Variants in XPO7 observed in about 807,000 individuals in gnomAD.
The protein encoded by XPO7 is exportin 7.
XPO7 carries 21 observed loss-of-function variants against 144.3 expected under a neutral mutation model. That is an observed-to-expected ratio of 0.15 (90% confidence interval 0.10 to 0.21). XPO7 has a LOEUF of 0.21. XPO7 is among the 10% of genes least tolerant of loss of function. The probability of loss-of-function intolerance (pLI) is 1.00; values close to 1 mark genes in which losing one functional copy is unlikely to be tolerated. For missense variants in XPO7, 808 were observed against 1,325.8 expected (o/e 0.61, Z 6.06); for synonymous variants, 580 against 499.6 (o/e 1.16, Z -2.15).
intron 4 of XPO7, among the ~76,000 whole-genome samples, chr8:21,970,757 A>T (rs1331622169): frequency 1.3e-5 from 2 of 152,256 alleles, no homozygotes; most frequent in Non-Finnish European, 2.9e-5. Context: ...TTTCGTCAAC[A>T]GTAGACCACA....
intron 1 of XPO7, among the ~76,000 whole-genome samples, chr8:21,926,603 C>CT (rs1485021586): frequency 6.8e-6 from 1 of 146,672 alleles, no homozygotes; most frequent in Admixed American, 7.2e-5. Flanking sequence ...AACTTCAGTG[C>CT]TTTACTTCTG....
chr8:22,000,286 G>GC lies in XPO7; in HGVS notation c.2782+612_2782+613insC, dbSNP rs1387185960. Among the ~76,000 whole-genome samples, 4 of 152,222 alleles carry GC rather than the reference G, an allele frequency of 2.6e-5. No individual in the cohort carries two copies. In the East Asian group the frequency reaches 7.7e-4, roughly 29 times the overall value. On this transcript the variant is annotated intron_variant, in intron 24 of 27. Coordinates refer to ENST00000252512, the MANE Select transcript of XPO7 (RefSeq NM_015024.5). ...TTTAGAGATAAGCAGGAGCAAATCTGGAGATCATGAAGGGGGCCCGCCTGT... is the reference window on the plus strand; with the variant it reads ...TTTAGAGATAAGCAGGAGCAAATCTGCGAGATCATGAAGGGGGCCCGCCTGT...
chr8:21,969,340 A>G, intron 2 of XPO7, 143 bp from the exon 3 acceptor site: 2 of 656,998 alleles, frequency 3.0e-6, no homozygotes, highest in Non-Finnish European at 5.3e-6. Flanking sequence ...TCCTCAGAGC[A>G]GTAGACCCTC....
chr8:21,983,092 G>A (rs1259380262), intron 11 of XPO7, among the ~76,000 whole-genome samples: 4 of 152,096 alleles, frequency 2.6e-5, no homozygotes, highest in Non-Finnish European at 5.9e-5. Flanking sequence ...TGTCCTTGCC[G>A]CTGTTTTTCT....
At chr8:21,974,556 A>G in intron 5 of XPO7, 114 bp from the exon 6 acceptor site, 1 of 681,054 alleles carries the variant, frequency 1.5e-6, no homozygotes, top group Middle Eastern at 2.5e-4. Flanking sequence ...TTAAAAATGT[A>G]TTTTATGTTT....
At chr8:21,990,963 C>A (rs2117382076) in intron 18 of XPO7, 44 bp downstream of exon 18, 1 of 1,557,652 alleles carries the variant, frequency 6.4e-7, no homozygotes, top group Non-Finnish European at 8.8e-7. Flanking sequence ...ATCTGGCACT[C>A]TTCTAAATTT....
chr8:21,949,794 A>G (rs1336170350), intron 1 of XPO7, among the ~76,000 whole-genome samples: 1 of 152,222 alleles, frequency 6.6e-6, no homozygotes, highest in African/African-American at 2.4e-5. Flanking sequence ...CAGTAGCACC[A>G]TCTCGGCTCA....
In XPO7 at chr8:21,981,776, G is replaced by T; in HGVS notation, c.1003G>T (p.Ala335Ser). The T allele has an allele frequency of 6.2e-7, 1 of 1,613,930 alleles. No homozygotes were observed. The highest frequency in any genetic ancestry group is 8.5e-7 in the Non-Finnish European group (1 of 1,179,874). ...TTACCATGAGTTTTGCAGACTACTG[G>T]CCCGATTGAAGAGTAACTATCAACT... ...NNYHEFCRLL[A>S]RLKSNYQLGE... The change falls in exon 10 of 28, where the codon GCC becomes TCC. Residue 335 changes from alanine (A) to serine (S), a missense_variant. Coordinates refer to ENST00000252512, the MANE Select transcript of XPO7 (RefSeq NM_015024.5).
intron 1 of XPO7, among the ~76,000 whole-genome samples, chr8:21,949,329 C>T (rs758443128): frequency 2.0e-5 from 3 of 152,222 alleles, no homozygotes; most frequent in Non-Finnish European, 4.4e-5. Context: ...CTGCCCCAGG[C>T]ATTCTTAGCC....
chr8:21,994,812 G>A (rs1812888484), intron 20 of XPO7, among the ~76,000 whole-genome samples: 1 of 152,144 alleles, frequency 6.6e-6, no homozygotes, highest in African/African-American at 2.4e-5. Context: ...CCAGCACTTA[G>A]GGAGGCCGAG....
intron 16 of XPO7, among the ~76,000 whole-genome samples, chr8:21,989,996 C>T (rs1347868718): frequency 6.6e-6 from 1 of 150,978 alleles, no homozygotes; most frequent in Non-Finnish European, 1.5e-5. Flanking sequence ...ACTACAGGCA[C>T]CCGCCACCAT....
At chr8:21,990,755 G>A (rs912383798) in intron 17 of XPO7, 56 bp from the exon 18 acceptor site, 174 of 1,528,124 alleles carry the variant, frequency 1.1e-4, no homozygotes, top group Non-Finnish European at 1.5e-4. Flanking sequence ...TTACTGGCTT[G>A]CATTCTGCCT....
At chr8:22,001,321 AAG>A in intron 24 of XPO7, among the ~76,000 whole-genome samples, 1 of 152,100 alleles carries the variant, frequency 6.6e-6, no homozygotes, top group Admixed American at 6.5e-5. Flanking sequence ...AAAAAAAAAA[AAG>A]AAAGAAAAAG....
intron 20 of XPO7, among the ~76,000 whole-genome samples, chr8:21,995,054 A>C (rs554005867): frequency 6.0e-4 from 85 of 141,500 alleles, no homozygotes; most frequent in African/African-American, 2.5e-3. Context: ...ACTCCATCTC[A>C]AAAAAAAATA....
intron 27 of XPO7, 138 bp downstream of exon 27, chr8:22,004,168 C>T: frequency 1.9e-6 from 2 of 1,074,878 alleles, no homozygotes; most frequent in Non-Finnish European, 2.6e-6. Flanking sequence ...GAAAAGTGAG[C>T]CATGTTAAAC....
chr8:21,984,584 A>G, intron 11 of XPO7, 62 bp from the exon 12 acceptor site: 2 of 1,448,814 alleles, frequency 1.4e-6, no homozygotes, highest in Non-Finnish European at 1.8e-6. Flanking sequence ...GAGAGCTGCT[A>G]TATTGGGCAA....
intron 14 of XPO7, 141 bp from the exon 15 acceptor site, chr8:21,987,643 A>G (rs1585471783): frequency 1.1e-6 from 1 of 925,848 alleles, no homozygotes; most frequent in South Asian, 1.7e-5. Context: ...CTTGGAAACT[A>G]GCTTATCCCT....
At chr8:22,003,443 T>G (rs1813222227) in intron 26 of XPO7, 126 bp downstream of exon 26, 6 of 686,186 alleles carry the variant, frequency 8.7e-6, no homozygotes, top group Non-Finnish European at 1.2e-5. Flanking sequence ...AATGGGTCAT[T>G]TACTGAGCAA....
chr8:21,956,766 T>C (rs576560220), intron 1 of XPO7, among the ~76,000 whole-genome samples: 5 of 152,064 alleles, frequency 3.3e-5, no homozygotes, highest in Non-Finnish European at 5.9e-5. Context: ...CATCCTGTTA[T>C]TCCACACTTG....
Sources: gnomAD v4.1 joint callset for allele counts (sites outside exome capture counted in the v4.1 genomes callset) on GRCh38, gnomAD v4.1.1 for gene constraint, MANE v1.5 for transcripts, NCBI Gene and HGNC (gene_info 2026-07-23, HGNC 2026-07-21) for gene names.